The following C10orf67 variants were observed in gnomAD, a reference collection of about 807,000 sequenced individuals.
C10orf67 encodes chromosome 10 open reading frame 67, also known as uncharacterized protein C10orf67, mitochondrial.
In C10orf67, 60 loss-of-function variants were observed where a neutral mutation model predicts 35.6. That is an observed-to-expected ratio of 1.68 (90% CI 1.37 to 2.09). The LOEUF (loss-of-function observed/expected upper bound fraction) is 2.09, where lower values mean the gene tolerates loss of function less well. Ranked by LOEUF, C10orf67 falls within the 30% of genes most tolerant of loss-of-function variation. The probability of loss-of-function intolerance (pLI) is 0.00; values close to 1 mark genes in which losing one functional copy is unlikely to be tolerated. For synonymous variants in C10orf67, 167 were observed against 115.8 expected (o/e 1.44, Z -2.84); for missense variants, 474 against 330.2 (o/e 1.44, Z -3.38).
intron 15 of C10orf67, among the ~76,000 whole-genome samples, chr10:23,218,373 C>A (rs1398822132): frequency 5.3e-5 from 8 of 150,212 alleles, no homozygotes; most frequent in Non-Finnish European, 7.4e-5. Context: ...TTCTCAAACC[C>A]CTGAGCACAA....
At chr10:23,293,604 C>T (rs988684820) in intron 5 of C10orf67, among the ~76,000 whole-genome samples, 4 of 152,124 alleles carry the variant, frequency 2.6e-5, no homozygotes, top group East Asian at 1.9e-4. Context: ...TGGATGTAGC[C>T]GTTTAAACCA....
intron 4 of C10orf67, among the ~76,000 whole-genome samples, chr10:23,304,955 T>C (rs570410534): frequency 6.6e-6 from 1 of 152,256 alleles, no homozygotes; most frequent in East Asian, 1.9e-4. Context: ...TGGTCCCCAT[T>C]GCAGACCCAG....
chr10:23,342,305 C>G (rs79016365), intron 1 of C10orf67, among the ~76,000 whole-genome samples: 4,134 of 152,202 alleles, frequency 0.027, 95 homozygotes, highest in Non-Finnish European at 0.042. Context: ...TTATCACTAA[C>G]CACTATCTAA....
chr10:23,205,976 A>C (rs1841149534), intron 15 of C10orf67, among the ~76,000 whole-genome samples: 1 of 152,244 alleles, frequency 6.6e-6, no homozygotes, highest in South Asian at 2.1e-4. Flanking sequence ...AACAATGTGC[A>C]TTTTTGTAAA....
In C10orf67 at chr10:23,223,553, A is replaced by G. The variant is rs560911506; in HGVS notation, c.1570+45T>C. The G allele has an allele frequency of 3.2e-4, 226 of 716,534 alleles. 1 individual carries two copies. The South Asian group carries it at 3.2e-3, about 10-fold the overall frequency. 44.4% of individuals were successfully genotyped at this position (716,534 alleles called of 1,614,324 possible). A position where few individuals can be genotyped will look rare whatever the true frequency, so the allele number is the denominator to read the frequency against. ...AAAGCAAAGTTAATCTAGACTAAGT[A>G]GCCATTCTGGTGTGAACCTCATTTC... is the stretch of plus-strand genomic sequence containing the variant. On this transcript the variant is annotated intron_variant, in intron 15 of 15. Transcript: ENST00000636213.
intron 12 of C10orf67, among the ~76,000 whole-genome samples, chr10:23,250,082 C>T (rs1294982543): frequency 6.6e-6 from 1 of 152,146 alleles, no homozygotes; most frequent in African/African-American, 2.4e-5. Flanking sequence ...GGATCTGATA[C>T]ATAAAGCAAC....
chr10:23,232,090 G>T (rs1841928317), intron 13 of C10orf67, among the ~76,000 whole-genome samples: 1 of 152,164 alleles, frequency 6.6e-6, no homozygotes, highest in Non-Finnish European at 1.5e-5. Flanking sequence ...CTGGGGCATG[G>T]TAATAATCTA....
intron 15 of C10orf67, among the ~76,000 whole-genome samples, chr10:23,220,125 C>G (rs1428141600): frequency 2.0e-5 from 3 of 151,942 alleles, no homozygotes; most frequent in South Asian, 4.1e-4. Flanking sequence ...TGAGCTATGA[C>G]TGGACCACTG....
chr10:23,232,504 C>T (rs992842839), intron 13 of C10orf67, among the ~76,000 whole-genome samples: 5 of 152,264 alleles, frequency 3.3e-5, no homozygotes, highest in African/African-American at 7.2e-5. Context: ...TAGTTTGCCA[C>T]GGTATACATA....
intron 10 of C10orf67, among the ~76,000 whole-genome samples, chr10:23,260,266 T>C (rs1052816330): frequency 6.6e-6 from 1 of 151,988 alleles, no homozygotes; most frequent in African/African-American, 2.4e-5. Flanking sequence ...AATAAAACTG[T>C]CAATGCAGAC....
chr10:23,237,936 T>C lies in C10orf67; in HGVS notation c.1434+1793A>G, dbSNP rs553416491. Among the ~76,000 whole-genome samples, 5 of 152,334 alleles carry C rather than the reference T, an allele frequency of 3.3e-5. No homozygotes were observed. The East Asian group carries it at 9.7e-4, about 29-fold the overall frequency. ...TAACCATATGTAAAATATACCCCAATAGTATTATCATAGCAAACTTTTTCT... is the reference window on the plus strand; with the variant it reads ...TAACCATATGTAAAATATACCCCAACAGTATTATCATAGCAAACTTTTTCT... On this transcript the variant is annotated intron_variant, in intron 13 of 15. Transcript: ENST00000636213.
intron 12 of C10orf67, among the ~76,000 whole-genome samples, chr10:23,246,230 G>A (rs922301427): frequency 1.3e-5 from 2 of 152,064 alleles, no homozygotes; most frequent in African/African-American, 4.8e-5. Context: ...AGTGAGGAAT[G>A]AAAAACTACC....
intron 3 of C10orf67, among the ~76,000 whole-genome samples, chr10:23,321,998 A>G (rs1015112543): frequency 6.6e-6 from 1 of 152,106 alleles, no homozygotes; most frequent in African/African-American, 2.4e-5. Flanking sequence ...ATGTTGCCCA[A>G]GCTGGTCTTG....
intron 1 of C10orf67, among the ~76,000 whole-genome samples, chr10:23,334,251 T>C (rs1398183594): frequency 2.6e-5 from 4 of 152,222 alleles, no homozygotes; most frequent in Non-Finnish European, 5.9e-5. Flanking sequence ...AAAATGTGAA[T>C]AGGCCAGGAA....
At chr10:23,290,994 AGC>A in intron 6 of C10orf67, 136 bp downstream of exon 6, 1 of 582,526 alleles carries the variant, frequency 1.7e-6, no homozygotes, top group Non-Finnish European at 3.0e-6. Flanking sequence ...TTTAATAAAA[AGC>A]AAAGATGGCT....
At chr10:23,332,373 A>G (rs184572111) in intron 2 of C10orf67, among the ~76,000 whole-genome samples, 78 of 152,252 alleles carry the variant, frequency 5.1e-4, no homozygotes, top group Middle Eastern at 3.4e-3. Flanking sequence ...ATGCAATACT[A>G]TGCTCCTTTA....
chr10:23,269,051 T>A (rs1182818920), intron 8 of C10orf67, among the ~76,000 whole-genome samples: 1 of 152,244 alleles, frequency 6.6e-6, no homozygotes, highest in Non-Finnish European at 1.5e-5. Context: ...AAAATCATTT[T>A]CTTCATACTA....
Position 23,203,566 on chromosome 10 carries a change from A to G in C10orf67, c.*607T>C, listed in dbSNP as rs777941306. ...CGCCTTTTGGTAAACGGTGTCTGGC[A>G]TTCCAGCAGAATCTTGGTTTGCATC... is the stretch of plus-strand genomic sequence containing the variant. On this transcript the variant is annotated 3_prime_UTR_variant, in exon 16 of 16. Transcript: ENST00000636213. 2.0e-5 allele frequency: 3 copies of G among 152,226 alleles called. No homozygotes were observed. The highest frequency in any genetic ancestry group is 2.9e-5 in the Non-Finnish European group (2 of 68,030). The allele number at this position is 152,226 out of a possible 1,614,324, so 9.4% of individuals were successfully genotyped here. A position where few individuals can be genotyped will look rare whatever the true frequency, so the allele number is the denominator to read the frequency against.
chr10:23,239,591 A>C, intron 13 of C10orf67, 138 bp downstream of exon 13: 1 of 460,152 alleles, frequency 2.2e-6, no homozygotes, highest in Non-Finnish European at 4.0e-6. Flanking sequence ...TAACACCCTC[A>C]GCATCTAGCA....
Sources: gnomAD v4.1 joint callset for allele counts (sites outside exome capture counted in the v4.1 genomes callset) on GRCh38, gnomAD v4.1.1 for gene constraint, MANE v1.5 for transcripts, NCBI Gene and HGNC (gene_info 2026-07-23, HGNC 2026-07-21) for gene names.